The following COL5A3 variants were observed in gnomAD, a reference collection of about 807,000 sequenced individuals.
COL5A3 encodes the protein collagen type V alpha 3 chain, also known as collagen alpha-3(V) chain.
Under a neutral mutation model 250.0 loss-of-function variants are expected in COL5A3, and 172 were observed. That is an observed-to-expected ratio of 0.69 (90% CI 0.61 to 0.78). COL5A3 has a LOEUF of 0.78. Among genes scored for constraint, COL5A3 ranks in the 30% least tolerant of loss-of-function variants. COL5A3 has a pLI of 0.00. For synonymous variants in COL5A3, 937 were observed against 900.4 expected, an observed-to-expected ratio of 1.04 and a Z score of -0.73; for missense variants, 2,340 against 2,334.4, an observed-to-expected ratio of 1.00 and a Z score of -0.05.
chr19:9,996,771 G>T, intron 11 of COL5A3, 82 bp from the exon 12 acceptor site: 1 of 1,016,254 alleles, frequency 9.8e-7, no homozygotes, highest in Non-Finnish European at 1.4e-6. Context: ...ACAGAAGGAT[G>T]AGTCAGAAAG....
chr19:9,986,511 G>A (rs1568420897), intron 29 of COL5A3, 42 bp downstream of exon 29: 1 of 1,610,352 alleles, frequency 6.2e-7, no homozygotes, highest in Non-Finnish European at 8.5e-7. Flanking sequence ...TCTTCCCCGA[G>A]CCCCCAGACC....
intron 51 of COL5A3, among the ~76,000 whole-genome samples, chr19:9,971,557 T>C (rs1048436515): frequency 5.3e-5 from 8 of 152,028 alleles, no homozygotes; most frequent in African/African-American, 1.9e-4. Flanking sequence ...ATTCATTCAT[T>C]CACTCATTCA....
chr19:9,994,927 A>ATTG (rs2087247826), intron 16 of COL5A3, among the ~76,000 whole-genome samples: 1 of 151,796 alleles, frequency 6.6e-6, no homozygotes, highest in African/African-American at 2.4e-5. Flanking sequence ...TATTATTATT[A>ATTG]TTATTTTTTG....
intron 64 of COL5A3, among the ~76,000 whole-genome samples, chr19:9,963,716 G>A (rs866476567): frequency 1.3e-5 from 2 of 152,010 alleles, no homozygotes; most frequent in East Asian, 1.9e-4. Flanking sequence ...CTCCCTTTAG[G>A]CTAAGCAGGT....
Position 9,996,242 on chromosome 19 carries a change from A to C in COL5A3, c.1443T>G (p.Pro481=), listed in dbSNP as rs761552182. The stretch of plus-strand genomic sequence containing the variant: ...GGCGCCCAGTGAGCCCCACTGGACC[A>C]GGGGGGCCTTTCATAGAGAGCTGGA... ...QQTQLSMKGP[P]GPVGLTGRPG... Residue 481 remains proline, a synonymous_variant, in exon 14 of 67, where the codon CCT becomes CCG. Transcript: ENST00000264828. The C allele has an allele frequency of 8.9e-6, 14 of 1,575,994 alleles. 1 individual carries two copies. In the Admixed American group the frequency reaches 2.5e-4, roughly 28 times the overall value.
intron 24 of COL5A3, among the ~76,000 whole-genome samples, chr19:9,990,582 A>C (rs1433238807): frequency 6.8e-6 from 1 of 147,036 alleles, no homozygotes; most frequent in African/African-American, 2.6e-5. Flanking sequence ...TTTTTTTTTG[A>C]GGTGGAGTCT....
chr19:10,006,282 A>C, intron 1 of COL5A3, 51 bp from the exon 2 acceptor site: 1 of 1,525,956 alleles, frequency 6.6e-7, no homozygotes, highest in Non-Finnish European at 8.8e-7. Context: ...GAACAGCTAG[A>C]ATAAGCCCAG....
chr19:10,003,869 G>A (rs565131170), intron 5 of COL5A3, among the ~76,000 whole-genome samples, 155 bp from the exon 6 acceptor site: 2 of 152,316 alleles, frequency 1.3e-5, no homozygotes, highest in Non-Finnish European at 2.9e-5. Context: ...GGTCAAGGGT[G>A]GCTCAGGAAT....
In COL5A3 at chr19:10,006,331, C is replaced by T. The variant is rs987297064; in HGVS notation, c.89-100G>A. 6.0e-6 allele frequency: 7 copies of T among 1,159,222 alleles called. No individual in the cohort carries two copies. In the African/African-American group the frequency reaches 9.4e-5, roughly 16 times the overall value. The allele number at this position is 1,159,222 out of a possible 1,614,324, so 71.8% of individuals were successfully genotyped here. A position where few individuals can be genotyped will look rare whatever the true frequency, so the allele number is the denominator to read the frequency against. ...AGGCTCAGGGTTTTTTTAGGGGGCTCAGCCTCTCCCTCCCTCCCACCATGT... is the reference window on the plus strand; with the variant it reads ...AGGCTCAGGGTTTTTTTAGGGGGCTTAGCCTCTCCCTCCCTCCCACCATGT... On this transcript the variant is annotated intron_variant, in intron 1 of 66. Transcript: ENST00000264828.
intron 45 of COL5A3, 118 bp downstream of exon 45, chr19:9,976,440 G>C (rs2086923369): frequency 1.4e-6 from 1 of 705,670 alleles, no homozygotes; most frequent in African/African-American, 1.9e-5. Flanking sequence ...CAGTACTGAG[G>C]GAAGATCAGG....
intron 64 of COL5A3, among the ~76,000 whole-genome samples, chr19:9,964,834 T>C (rs1044265176): frequency 3.6e-5 from 4 of 111,168 alleles, no homozygotes; most frequent in African/African-American, 1.4e-4. Flanking sequence ...CTAACCAACG[T>C]AGTGAAACCC....
At position 9,978,587 on chromosome 19, in the gene COL5A3, G is replaced by A. The variant is rs1231555242; in HGVS notation, c.3005C>T (p.Pro1002Leu). Residue 1002 changes from proline to leucine, a missense_variant, in exon 41 of 67, where the codon CCC (proline) becomes CTC (leucine). Transcript: ENST00000264828. ...GLKGDKGPPG[P>L]VGANGSPGER... ...GGTTATACTTACATTGGCCCCCACG[G>A]GCCCTGGGGGGCCCTTATCACCCTT... The A allele has an allele frequency of 1.9e-6, 3 of 1,577,958 alleles. No homozygotes were observed. Among genetic ancestry groups the A allele is most frequent in the South Asian group, 1.1e-5 (1 of 86,992 alleles).
Position 9,960,401 on chromosome 19 carries a change from C to T in COL5A3, c.*10G>A. 6.2e-7 allele frequency: 1 copy of T among 1,614,114 alleles called. No individual in the cohort carries two copies. The highest frequency in any genetic ancestry group is 1.1e-5 in the South Asian group (1 of 91,074). On this transcript the variant is annotated 3_prime_UTR_variant, in exon 67 of 67. Coordinates refer to ENST00000264828, the MANE Select transcript of COL5A3 (RefSeq NM_015719.4). ...GGGCTCCCTCATGGTCCCTCCCACC[C>T]CGGACACTCTCAGCTGCTGAAGCAG... is the stretch of plus-strand genomic sequence containing the variant.
chr19:10,008,774 C>A (rs34729515), intron 1 of COL5A3, among the ~76,000 whole-genome samples: 24,448 of 152,066 alleles, frequency 0.16, 2,119 homozygotes, highest in Middle Eastern at 0.25. Flanking sequence ...CAACGCTTGC[C>A]GTGAGCTTGC....
intron 44 of COL5A3, 67 bp from the exon 45 acceptor site, chr19:9,976,678 T>A: frequency 1.6e-6 from 2 of 1,231,338 alleles, no homozygotes; most frequent in South Asian, 2.8e-5. Flanking sequence ...ACTGGAGCTA[T>A]CAATCACTGC....
chr19:10,005,775 G>A (rs752597703), intron 3 of COL5A3, 21 bp downstream of exon 3: 21 of 1,601,372 alleles, frequency 1.3e-5, no homozygotes, highest in East Asian at 4.5e-5. Flanking sequence ...ACGGACCCCC[G>A]CCCACTCTCC....
chr19:9,993,488 G>GC, intron 18 of COL5A3, 55 bp from the exon 19 acceptor site: 1 of 1,598,480 alleles, frequency 6.3e-7, no homozygotes, highest in South Asian at 1.1e-5. Flanking sequence ...GGAGAGACCA[G>GC]CCCCCTGGGA....
Position 9,985,825 on chromosome 19 carries a change from C to T in COL5A3, c.2406+17G>A, listed in dbSNP as rs751580672. ...CCTGCCCATATCCATCTCCACCCCC[C>T]ACCCCCAGCTTCCTACCTTAGGTCC... is the stretch of plus-strand genomic sequence containing the variant. On this transcript the variant is annotated intron_variant, in intron 31 of 66. Coordinates refer to ENST00000264828, the MANE Select transcript of COL5A3 (RefSeq NM_015719.4). The T allele has an allele frequency of 1.4e-5, 22 of 1,610,420 alleles. No homozygotes were observed. Among genetic ancestry groups the T allele is most frequent in the Non-Finnish European group, 1.7e-5 (20 of 1,177,438 alleles).
intron 21 of COL5A3, among the ~76,000 whole-genome samples, chr19:9,992,414 A>T (rs1868974120): frequency 6.7e-6 from 1 of 149,732 alleles, no homozygotes; most frequent in Admixed American, 6.7e-5. Context: ...TGTCTAAAAA[A>T]AAAAAGAAAG....
Sources: gnomAD v4.1 joint callset for allele counts (sites outside exome capture counted in the v4.1 genomes callset) on GRCh38, gnomAD v4.1.1 for gene constraint, MANE v1.5 for transcripts, NCBI Gene and HGNC (gene_info 2026-07-23, HGNC 2026-07-21) for gene names.